The following TENM1 variants were observed in gnomAD, a reference collection of about 807,000 sequenced individuals.
TENM1 encodes the protein teneurin transmembrane protein 1.
A neutral mutation model predicts 174.8 loss-of-function variants in TENM1; 35 were observed. The observed-to-expected ratio is 0.20, with a 90% confidence interval of 0.15 to 0.27. The LOEUF (loss-of-function observed/expected upper bound fraction) is 0.27. TENM1 is among the 10% of genes least tolerant of loss of function. The pLI is 1.00. For missense variants in TENM1, 1,633 were observed against 2,130.1 expected, an observed-to-expected ratio of 0.77 and a Z score of 4.59; for synonymous variants, 781 against 798.7, an observed-to-expected ratio of 0.98 and a Z score of 0.37.
intron 5 of TENM1, among the ~76,000 whole-genome samples, chrX:124,678,048 G>A (rs774954636): frequency 5.1e-4 from 57 of 111,557 alleles, no homozygotes; most frequent in Non-Finnish European, 7.6e-4. Flanking sequence ...TGCTGGAGCT[G>A]GCTTATACTG....
chrX:124,742,015 G>A (rs1466588060), intron 3 of TENM1, among the ~76,000 whole-genome samples: 1 of 111,902 alleles, frequency 8.9e-6, no homozygotes, highest in African/African-American at 3.2e-5. Context: ...ATAATTTTCG[G>A]TAGGTGTTAA....
intron 3 of TENM1, among the ~76,000 whole-genome samples, chrX:124,884,825 G>A (rs1417141147): frequency 2.7e-5 from 3 of 111,524 alleles, no homozygotes; most frequent in East Asian, 5.6e-4. Flanking sequence ...ATTTCTTAAC[G>A]ACACGGATAC....
intron 22 of TENM1, among the ~76,000 whole-genome samples, chrX:124,461,721 G>T (rs2061175963): frequency 9.0e-6 from 1 of 111,368 alleles, no homozygotes; most frequent in Non-Finnish European, 1.9e-5. Context: ...GTTACCGGAG[G>T]CTGGGAAGGG....
At chrX:124,825,753 C>T (rs775802039) in intron 3 of TENM1, among the ~76,000 whole-genome samples, 38 of 111,986 alleles carry the variant, frequency 3.4e-4, no homozygotes, top group African/African-American at 1.2e-3. Context: ...GTGATTCTTA[C>T]TGTAAAGAAA....
the TENM1 span, among the ~76,000 whole-genome samples, chrX:125,132,201 T>C: frequency 5.4e-5 from 6 of 111,031 alleles, no homozygotes; most frequent in South Asian, 7.7e-4. Context: ...AGCCTCTCCA[T>C]GAGTCTCATT....
chrX:124,654,157 T>C (rs963219612), intron 6 of TENM1, among the ~76,000 whole-genome samples: 1 of 112,017 alleles, frequency 8.9e-6, no homozygotes, highest in Non-Finnish European at 1.9e-5. Flanking sequence ...ATAACCTCAC[T>C]GTAAAGAAAA....
the TENM1 span, among the ~76,000 whole-genome samples, chrX:125,123,590 C>T: frequency 9.0e-6 from 1 of 111,007 alleles, no homozygotes; most frequent in African/African-American, 3.3e-5. Flanking sequence ...GCCTGGGTGA[C>T]AGAGTGAGAC....
chrX:124,752,758 C>T, intron 3 of TENM1, among the ~76,000 whole-genome samples: 1 of 110,739 alleles, frequency 9.0e-6, no homozygotes, highest in Non-Finnish European at 1.9e-5. Context: ...GAATCCTTTC[C>T]CCATTGCTTG....
intron 1 of TENM1, among the ~76,000 whole-genome samples, chrX:124,957,649 G>A (rs1569488970): frequency 9.2e-6 from 1 of 108,572 alleles, no homozygotes; most frequent in Non-Finnish European, 1.9e-5. Flanking sequence ...TGAGATATAG[G>A]TTTAGGTTGT....
intron 22 of TENM1, among the ~76,000 whole-genome samples, chrX:124,480,177 C>T (rs767308370): frequency 6.3e-5 from 7 of 111,498 alleles, no homozygotes; most frequent in Non-Finnish European, 1.1e-4. Context: ...CCATCTCAAG[C>T]GACTTATTTC....
At chrX:124,477,749 CAAA>C (rs58693858) in intron 22 of TENM1, among the ~76,000 whole-genome samples, 82 of 45,132 alleles carry the variant, frequency 1.8e-3, no homozygotes, top group Middle Eastern at 0.013. Flanking sequence ...GACTTCGTCT[CAAA>C]AAAAAAAAAA....
intron 11 of TENM1, among the ~76,000 whole-genome samples, chrX:124,581,543 G>C (rs1481310764): frequency 9.7e-6 from 1 of 102,680 alleles, no homozygotes; most frequent in Non-Finnish European, 2.0e-5. Flanking sequence ...GTTTTCTTTT[G>C]TATATATCCC....
chrX:124,876,035 G>T (rs2057194548), intron 3 of TENM1, among the ~76,000 whole-genome samples: 1 of 109,218 alleles, frequency 9.2e-6, no homozygotes, highest in African/African-American at 3.3e-5. Context: ...TAATATCATG[G>T]GTAAATGCAA....
At chrX:125,019,899 T>C in the TENM1 span, among the ~76,000 whole-genome samples, 3 of 111,707 alleles carry the variant, frequency 2.7e-5, no homozygotes, top group African/African-American at 9.7e-5. Flanking sequence ...CATGGCATAA[T>C]TGTCCCTCAA....
intron 3 of TENM1, among the ~76,000 whole-genome samples, chrX:124,859,673 T>C (rs1374093798): frequency 8.9e-6 from 1 of 111,878 alleles, no homozygotes; most frequent in Non-Finnish European, 1.9e-5. Context: ...ATATAACCAG[T>C]AATTTAAGTC....
chrX:124,705,421 TTC>T (rs1454514093), intron 4 of TENM1, among the ~76,000 whole-genome samples, 170 bp from the exon 8 acceptor site: 2 of 111,964 alleles, frequency 1.8e-5, no homozygotes, highest in Non-Finnish European at 3.8e-5. Flanking sequence ...GCCCTTGTTG[TTC>T]TCTCTCTTTT....
chrX:124,582,983 G>A (rs2049368725), intron 11 of TENM1, among the ~76,000 whole-genome samples: 2 of 112,397 alleles, frequency 1.8e-5, no homozygotes, highest in South Asian at 3.7e-4. Context: ...GCTGGGGGAG[G>A]GGCACCCGCC....
the TENM1 span, among the ~76,000 whole-genome samples, chrX:125,188,848 C>T: frequency 1.8e-5 from 2 of 111,947 alleles, no homozygotes; most frequent in South Asian, 3.7e-4. Flanking sequence ...TCAAAAAAGA[C>T]GTAGTTCTGC....
intron 1 of TENM1, among the ~76,000 whole-genome samples, chrX:124,916,991 T>C (rs780427490): frequency 5.4e-5 from 6 of 111,934 alleles, no homozygotes; most frequent in Non-Finnish European, 1.1e-4. Flanking sequence ...AGACACCTCC[T>C]CCCTGTCCCC....
Sources: gnomAD v4.1 joint callset for allele counts (sites outside exome capture counted in the v4.1 genomes callset) on GRCh38, gnomAD v4.1.1 for gene constraint, MANE v1.5 for transcripts, NCBI Gene and HGNC (gene_info 2026-07-23, HGNC 2026-07-21) for gene names.